LEKR1: variants seen among roughly 807,000 people sequenced by gnomAD.
LEKR1 encodes leucine, glutamate and lysine rich 1, also known as protein LEKR1.
In LEKR1, 59 loss-of-function variants were observed where a neutral mutation model predicts 72.4. The observed-to-expected ratio is 0.82, with a 90% CI of 0.66 to 1.01. The LOEUF is 1.01. LEKR1 is among the 50% of genes least tolerant of loss of function. The pLI is 0.00. For synonymous variants in LEKR1, 257 were observed against 263.2 expected, an observed-to-expected ratio of 0.98 and a Z score of 0.23; for missense variants, 728 against 759.2, an observed-to-expected ratio of 0.96 and a Z score of 0.48.
At chr3:157,028,686 C>T (rs566650911) in intron 12 of LEKR1, among the ~76,000 whole-genome samples, 30 of 152,118 alleles carry the variant, frequency 2.0e-4, no homozygotes, top group Non-Finnish European at 3.8e-4. Context: ...TATTTTAAGC[C>T]TCTAAGAGTA....
intron 3 of LEKR1, among the ~76,000 whole-genome samples, chr3:156,916,311 TAGAC>T (rs777636962): frequency 6.6e-6 from 1 of 152,132 alleles, no homozygotes; most frequent in Non-Finnish European, 1.5e-5. Flanking sequence ...ATATCATTGT[TAGAC>T]AGGAATAGTA....
Position 157,042,447 on chromosome 3 carries a change from C to T in LEKR1, c.1669-2893C>T, listed in dbSNP as rs562951026. Among the ~76,000 whole-genome samples the T allele has an allele frequency of 5.2e-4, 79 of 152,300 alleles. 2 individuals carry two copies. The South Asian group carries it at 5.6e-3, about 11-fold the overall frequency. On this transcript the variant is annotated intron_variant, in intron 12 of 12. Coordinates refer to ENST00000356539, the MANE Select transcript of LEKR1 (RefSeq NM_001004316.3). ...CTGATCCTTCCATGACTGATTCAGA[C>T]TTCACTGGGTATAAAGCATGGGTGC...
chr3:156,976,082 GA>G (rs1729665949), intron 6 of LEKR1, among the ~76,000 whole-genome samples: 1 of 152,070 alleles, frequency 6.6e-6, no homozygotes, highest in Non-Finnish European at 1.5e-5. Flanking sequence ...ATTTATTAAG[GA>G]CAGGAACTGG....
At chr3:156,841,373 C>T (rs1713884236) in intron 2 of LEKR1, among the ~76,000 whole-genome samples, 1 of 152,158 alleles carries the variant, frequency 6.6e-6, no homozygotes, top group African/African-American at 2.4e-5. Flanking sequence ...AGGGTTTTCT[C>T]TCATGTTTGA....
intron 2 of LEKR1, 139 bp downstream of exon 2, chr3:156,829,516 T>C (rs1287516217): frequency 1.8e-6 from 1 of 558,862 alleles, no homozygotes; most frequent in African/African-American, 1.9e-5. Context: ...GAATAATTAT[T>C]ATCATAATGA....
chr3:156,828,223 A>G (rs776926330), intron 1 of LEKR1, among the ~76,000 whole-genome samples: 2 of 152,244 alleles, frequency 1.3e-5, no homozygotes, highest in Non-Finnish European at 2.9e-5. Context: ...CTTCTCTTCC[A>G]CTAGTGGTTG....
At chr3:156,951,821 T>C (rs146274456) in intron 6 of LEKR1, among the ~76,000 whole-genome samples, 43 of 151,744 alleles carry the variant, frequency 2.8e-4, no homozygotes, top group African/African-American at 1.0e-3. Flanking sequence ...TCATTGATCT[T>C]TTGAATGTTT....
At chr3:156,998,127 C>T (rs1463211330) in intron 9 of LEKR1, among the ~76,000 whole-genome samples, 2 of 151,544 alleles carry the variant, frequency 1.3e-5, no homozygotes, top group African/African-American at 4.9e-5. Flanking sequence ...GCCCTCAGCT[C>T]CCATCCTACT....
chr3:157,023,704 G>A (rs1457008821), intron 10 of LEKR1, among the ~76,000 whole-genome samples: 1 of 152,136 alleles, frequency 6.6e-6, no homozygotes, highest in Non-Finnish European at 1.5e-5. Context: ...AAGTAGCAGA[G>A]CCAGGATTAA....
At chr3:156,923,929 G>A (rs752121428) in intron 4 of LEKR1, among the ~76,000 whole-genome samples, 26 of 151,992 alleles carry the variant, frequency 1.7e-4, no homozygotes, top group African/African-American at 3.9e-4. Context: ...GGATTTCACC[G>A]TGTTAGCCAG....
chr3:157,023,918 T>C (rs891583639), intron 10 of LEKR1, among the ~76,000 whole-genome samples: 4 of 152,176 alleles, frequency 2.6e-5, no homozygotes, highest in Non-Finnish European at 5.9e-5. Context: ...AAATTGAAGG[T>C]ATTGTAAGTC....
intron 5 of LEKR1, among the ~76,000 whole-genome samples, chr3:156,931,289 A>G (rs1200141937): frequency 6.6e-6 from 1 of 152,150 alleles, no homozygotes; most frequent in South Asian, 2.1e-4. Flanking sequence ...AGACACAAGA[A>G]TGTTCTCAAC....
intron 3 of LEKR1, among the ~76,000 whole-genome samples, chr3:156,883,237 G>C (rs1181063554): frequency 1.3e-5 from 2 of 151,844 alleles, no homozygotes; most frequent in Non-Finnish European, 2.9e-5. Flanking sequence ...AGCCCCCTTT[G>C]TTTTGGCCCA....
intron 5 of LEKR1, among the ~76,000 whole-genome samples, chr3:156,941,918 TAAAC>T (rs1214041698): frequency 6.6e-6 from 1 of 152,072 alleles, no homozygotes; most frequent in African/African-American, 2.4e-5. Context: ...AGATTTTTAT[TAAAC>T]AATCTAAATA....
At chr3:156,907,215 C>A (rs1343000342) in intron 3 of LEKR1, among the ~76,000 whole-genome samples, 2 of 152,052 alleles carry the variant, frequency 1.3e-5, no homozygotes, top group Non-Finnish European at 2.9e-5. Flanking sequence ...CTGTAGAGAT[C>A]ACCCTGCTTT....
intron 5 of LEKR1, among the ~76,000 whole-genome samples, chr3:156,937,556 G>A (rs989590765): frequency 2.0e-5 from 3 of 152,148 alleles, no homozygotes; most frequent in African/African-American, 7.2e-5. Flanking sequence ...AGTTTACTCA[G>A]CACTGCTGGT....
intron 6 of LEKR1, among the ~76,000 whole-genome samples, chr3:156,953,533 T>C (rs753623277): frequency 6.6e-6 from 1 of 151,554 alleles, no homozygotes; most frequent in Non-Finnish European, 1.5e-5. Flanking sequence ...CAGGCTCTAG[T>C]GTGTGTTGTT....
At chr3:156,834,428 A>C (rs555142602) in intron 2 of LEKR1, among the ~76,000 whole-genome samples, 1 of 152,152 alleles carries the variant, frequency 6.6e-6, no homozygotes, top group Admixed American at 6.5e-5. Flanking sequence ...AAAATCTCCA[A>C]ACTCAACGTG....
chr3:156,920,420 G>T (rs115622936), intron 3 of LEKR1, among the ~76,000 whole-genome samples, 155 bp from the exon 4 acceptor site: 1 of 151,970 alleles, frequency 6.6e-6, no homozygotes, highest in Non-Finnish European at 1.5e-5. Context: ...CCAAGATTTG[G>T]TCTCTCCATA....
Sources: allele counts gnomAD v4.1 joint callset (sites outside exome capture counted in the v4.1 genomes callset), GRCh38; gene constraint gnomAD v4.1.1; transcripts MANE v1.5; gene names NCBI Gene and HGNC (gene_info 2026-07-23, HGNC 2026-07-21).